Variants in PFKFB1 observed in about 807,000 individuals in gnomAD.
The protein encoded by PFKFB1 is 6-phosphofructo-2-kinase/fructose-2,6-bisphosphatase 1.
Under a neutral mutation model 46.4 loss-of-function variants are expected in PFKFB1, and 34 were observed. The observed-to-expected ratio is 0.73, with a 90% CI of 0.56 to 0.98. PFKFB1 has a LOEUF of 0.98. PFKFB1 is among the 50% of genes least tolerant of loss of function. The pLI is 0.00. For synonymous variants in PFKFB1, 119 were observed against 133.8 expected (o/e 0.89, Z 0.76); for missense variants, 393 against 376.3 (o/e 1.04, Z -0.37).
rs200786691 is a variant in PFKFB1, at chrX:54,937,643, G to C, written c.1180C>G (p.Gln394Glu). 3.1e-4 allele frequency: 370 copies of C among 1,206,752 alleles called. No homozygotes were observed. Among genetic ancestry groups the C allele is most frequent in the Non-Finnish European group, 3.9e-4 (345 of 892,116 alleles). ...RQENVLVICHQAVMRCLLAYF... is the reference protein window; with the variant it reads ...RQENVLVICHEAVMRCLLAYF... ...GCCAGGAGGCACCGCATGACAGCCT[G>C]GTGGCAGATCACCAGTACATTCTCC... The change falls in exon 11 of 14, where the codon CAG becomes GAG. Residue 394 changes from glutamine (Q) to glutamate (E), a missense_variant. Transcript: ENST00000375006.
chrX:54,982,409 A>G (rs1935017542), intron 1 of PFKFB1, among the ~76,000 whole-genome samples: 1 of 111,956 alleles, frequency 8.9e-6, no homozygotes, highest in Non-Finnish European at 1.9e-5. Context: ...CCAACATTAC[A>G]TGAAAATAAT....
upstream of PFKFB1, chrX:54,998,563 AGT>A: frequency 1.9e-6 from 1 of 523,083 alleles, no homozygotes; most frequent in South Asian, 2.8e-5. Flanking sequence ...ACCCTTGTTA[AGT>A]GGGGGATGTA....
chrX:54,956,305 G>A (rs778080262), intron 6 of PFKFB1, 31 bp from the exon 7 acceptor site: 2 of 1,204,492 alleles, frequency 1.7e-6, no homozygotes, highest in Admixed American at 2.2e-5. Flanking sequence ...GGTATCAAGG[G>A]AGACATTGGG....
At position 54,956,153 on chromosome X, in the gene PFKFB1, C is replaced by T; in HGVS notation, c.638G>A (p.Ser213Asn). ...NYQPLDEELD[S>N]HLSYIKIFDV... Reference sequence around the variant, plus strand: ...TTGACTTTGGGGTGCTGGCTCTTACCTGTCCAGTTCCTCATCCAAGGGTTG... The same window carrying T: ...TTGACTTTGGGGTGCTGGCTCTTACTTGTCCAGTTCCTCATCCAAGGGTTG... The change falls in exon 7 of 14, where the codon AGC (serine) becomes AAC (asparagine). Residue 213 changes from serine to asparagine, a missense_variant and splice_region_variant. By Grantham distance (46) the Ser-to-Asn change is conservative. Coordinates refer to ENST00000375006, the MANE Select transcript of PFKFB1 (RefSeq NM_002625.4). 2.5e-6 allele frequency: 3 copies of T among 1,184,998 alleles called. No homozygotes were observed. The highest frequency in any genetic ancestry group is 3.4e-6 in the Non-Finnish European group (3 of 871,954).
upstream of PFKFB1, among the ~76,000 whole-genome samples, chrX:54,996,457 C>G (rs1935358192): frequency 8.9e-6 from 1 of 112,326 alleles, no homozygotes; most frequent in Non-Finnish European, 1.9e-5. Flanking sequence ...TGCCAACAGG[C>G]AGAAGGATAA....
intron 1 of PFKFB1, among the ~76,000 whole-genome samples, chrX:54,976,499 G>A (rs941126572): frequency 9.0e-6 from 1 of 111,607 alleles, no homozygotes; most frequent in African/African-American, 3.2e-5. Flanking sequence ...TGAAATGCTG[G>A]CAAGGATGTA....
chrX:54,935,453 C>T (rs748578005), intron 11 of PFKFB1, among the ~76,000 whole-genome samples: 2 of 112,428 alleles, frequency 1.8e-5, no homozygotes, highest in Admixed American at 9.3e-5. Flanking sequence ...CAGCCTGGCC[C>T]GCTCCCTCTG....
chrX:54,959,283 T>C (rs770133057), intron 4 of PFKFB1, among the ~76,000 whole-genome samples: 3 of 110,396 alleles, frequency 2.7e-5, no homozygotes, highest in Non-Finnish European at 5.7e-5. Flanking sequence ...TCTCAATTCC[T>C]AGCTGAAGCT....
rs1190639381 is a variant in PFKFB1, at chrX:54,949,070, C to G, written c.993+5G>C. 8.3e-7 allele frequency: 1 copy of G among 1,208,667 alleles called. No homozygotes were observed. The highest frequency in any genetic ancestry group is 1.1e-6 in the Non-Finnish European group (1 of 894,370). On this transcript the variant is annotated splice_donor_5th_base_variant and intron_variant, in intron 9 of 13. Coordinates refer to ENST00000375006, the MANE Select transcript of PFKFB1 (RefSeq NM_002625.4). ...CACACAGGAGATTCACCCCATGCAT[C>G]TCACCGCATCAATCTCATTCAGGGC...
upstream of PFKFB1, among the ~76,000 whole-genome samples, chrX:54,995,327 C>G (rs946024691): frequency 2.7e-5 from 3 of 111,924 alleles, no homozygotes; most frequent in Non-Finnish European, 5.6e-5. Context: ...CTCTTGGGGA[C>G]AGAAATTTCC....
chrX:54,971,500 G>C (rs1272166425), intron 1 of PFKFB1, among the ~76,000 whole-genome samples: 32 of 111,504 alleles, frequency 2.9e-4, no homozygotes, highest in Admixed American at 5.7e-4. Flanking sequence ...CATCCATCTT[G>C]AATTAATTTT....
At chrX:54,983,109 A>G (rs1935035552) in intron 1 of PFKFB1, among the ~76,000 whole-genome samples, 1 of 111,791 alleles carries the variant, frequency 8.9e-6, no homozygotes, top group African/African-American at 3.2e-5. Context: ...TAGAAAGTCC[A>G]TAGTTAGAGG....
chrX:54,933,737 G>T (rs1933297120), intron 13 of PFKFB1, 84 bp downstream of exon 13: 1 of 862,154 alleles, frequency 1.2e-6, no homozygotes, highest in Non-Finnish European at 1.7e-6. Flanking sequence ...GCTTGGTGGG[G>T]TTGGGGCAGC....
At position 54,933,120 on chromosome X, in the gene PFKFB1, G is replaced by A; in HGVS notation, c.*283C>T. 1 of 348,615 alleles carries A rather than the reference G, an allele frequency of 2.9e-6. No homozygotes were observed. Among genetic ancestry groups the A allele is most frequent in the East Asian group, 5.1e-5 (1 of 19,713 alleles). The allele number at this position is 348,615 out of a possible 1,213,427, so 28.7% of individuals were successfully genotyped here. A position where few individuals can be genotyped will look rare whatever the true frequency, so the allele number is the denominator to read the frequency against. On this transcript the variant is annotated 3_prime_UTR_variant, in exon 14 of 14. Transcript: ENST00000375006. ...GTCAGGATTAGGGTCAGTACCTTGA[G>A]AACAACTGGAAAAGCCTCGCCATGA...
Position 54,933,801 on chromosome X carries a change from C to T in PFKFB1, c.1356+20G>A, listed in dbSNP as rs1327925106. The stretch of plus-strand genomic sequence containing the variant: ...GTGCTGTGTCCACAGCCAGCTTGGG[C>T]CATGGAGTCCCCCACCTACCTCAGG... On this transcript the variant is annotated intron_variant, in intron 13 of 13. Coordinates refer to ENST00000375006, the MANE Select transcript of PFKFB1 (RefSeq NM_002625.4). 30 of 1,190,259 alleles carry T rather than the reference C, an allele frequency of 2.5e-5. No homozygotes were observed. Among genetic ancestry groups the T allele is most frequent in the Non-Finnish European group, 3.3e-5 (29 of 876,366 alleles).
At chrX:54,983,179 A>C (rs1265270655) in intron 1 of PFKFB1, among the ~76,000 whole-genome samples, 1 of 111,842 alleles carries the variant, frequency 8.9e-6, no homozygotes, top group Non-Finnish European at 1.9e-5. Flanking sequence ...TTTTATTTTA[A>C]GTTCAGAGGT....
intron 7 of PFKFB1, among the ~76,000 whole-genome samples, chrX:54,954,581 A>G (rs779008434): frequency 1.3e-3 from 149 of 112,195 alleles, no homozygotes; most frequent in African/African-American, 4.7e-3. Context: ...GGTAGCCCTT[A>G]TCTTGCTGGT....
At chrX:54,969,191 T>C (rs1934567912) in intron 1 of PFKFB1, among the ~76,000 whole-genome samples, 1 of 111,164 alleles carries the variant, frequency 9.0e-6, no homozygotes, top group East Asian at 2.8e-4. Flanking sequence ...AGGTGGGACC[T>C]TTAAGAAGTG....
intron 9 of PFKFB1, among the ~76,000 whole-genome samples, chrX:54,946,878 T>C (rs755470112): frequency 8.9e-6 from 1 of 112,310 alleles, no homozygotes; most frequent in South Asian, 3.7e-4. Context: ...ATCATTAGAA[T>C]GAAGTATTAA....
Sources: gnomAD v4.1 joint callset for allele counts (sites outside exome capture counted in the v4.1 genomes callset) on GRCh38, gnomAD v4.1.1 for gene constraint, MANE v1.5 for transcripts, NCBI Gene and HGNC (gene_info 2026-07-23, HGNC 2026-07-21) for gene names.